STIM2: variants seen among roughly 807,000 people sequenced by gnomAD.
STIM2 encodes the protein stromal interaction molecule 2.
A neutral mutation model predicts 85.8 loss-of-function variants in STIM2; 31 were observed. That is an observed-to-expected ratio of 0.36 (90% confidence interval 0.27 to 0.49). The LOEUF (loss-of-function observed/expected upper bound fraction) is 0.49. Among genes scored for constraint, STIM2 ranks in the 20% least tolerant of loss-of-function variants. The pLI is 0.98. For synonymous variants in STIM2, 356 were observed against 331.1 expected, an observed-to-expected ratio of 1.08 and a Z score of -0.82; for missense variants, 841 against 927.6, an observed-to-expected ratio of 0.91 and a Z score of 1.21.
At chr4:26,910,195 T>G (rs976734932) in intron 1 of STIM2, among the ~76,000 whole-genome samples, 4 of 152,120 alleles carry the variant, frequency 2.6e-5, no homozygotes, top group Admixed American at 2.0e-4. Flanking sequence ...CATCATTGTT[T>G]TCTAGGAATT....
In STIM2 at chr4:26,984,226, A is replaced by G. The variant is rs191919572; in HGVS notation, c.398-11153A>G. Among the ~76,000 whole-genome samples the G allele has an allele frequency of 1.4e-4, 21 of 152,354 alleles. No individual in the cohort carries two copies. In the East Asian group the frequency reaches 2.3e-3, roughly 17 times the overall value. ...AATACTAATTGAGTTCCAACTAACT[A>G]TGTACCTGCCATTCCATGTTTGTTA... is the stretch of plus-strand genomic sequence containing the variant. On this transcript the variant is annotated intron_variant, in intron 3 of 11. Transcript: ENST00000467087.
At chr4:27,005,595 A>G (rs899834685) in intron 7 of STIM2, among the ~76,000 whole-genome samples, 1 of 152,118 alleles carries the variant, frequency 6.6e-6, no homozygotes, top group Non-Finnish European at 1.5e-5. Context: ...TTCTGTGTTC[A>G]TTCCCCTGTA....
chr4:27,003,662 C>T (rs1158245476), intron 7 of STIM2, among the ~76,000 whole-genome samples: 1 of 151,854 alleles, frequency 6.6e-6, no homozygotes, highest in Non-Finnish European at 1.5e-5. Flanking sequence ...GCATTAGTTT[C>T]CTGTTCCTGC....
intron 11 of STIM2, chr4:27,021,506 G>A (rs767247368): frequency 1.1e-5 from 5 of 456,798 alleles, no homozygotes; most frequent in South Asian, 6.2e-5. Context: ...ACACAAGGGA[G>A]TGTGCAGTTG....
chr4:26,871,888 C>G (rs1228265022), intron 1 of STIM2, among the ~76,000 whole-genome samples: 1 of 152,076 alleles, frequency 6.6e-6, no homozygotes, highest in East Asian at 1.9e-4. Flanking sequence ...AGCCTCTAGA[C>G]TAGGGCAGGA....
rs1723747339 is a variant in STIM2, at chr4:26,897,406, C to T, written c.152-22098C>T. Among the ~76,000 whole-genome samples the T allele has an allele frequency of 2.0e-5, 3 of 152,152 alleles. No homozygotes were observed. In the South Asian group the frequency reaches 6.2e-4, roughly 32 times the overall value. On this transcript the variant is annotated intron_variant, in intron 1 of 11. Coordinates refer to ENST00000467087, the MANE Select transcript of STIM2 (RefSeq NM_020860.4). Reference sequence around the variant, plus strand: ...TGTTAAACATCTTTTCATATTTTATCTGTCATCTCTGTATCCTCTTTTTTC... The same window carrying T: ...TGTTAAACATCTTTTCATATTTTATTTGTCATCTCTGTATCCTCTTTTTTC...
intron 11 of STIM2, chr4:27,019,364 A>T: frequency 8.2e-7 from 1 of 1,221,620 alleles, no homozygotes. Context: ...TTGCTTGGTT[A>T]ACACTTTATG....
intron 1 of STIM2, among the ~76,000 whole-genome samples, chr4:26,880,592 TA>T (rs1392247989): frequency 2.0e-5 from 3 of 148,144 alleles, no homozygotes; most frequent in Non-Finnish European, 4.5e-5. Context: ...CTTTTGTGCA[TA>T]AACCTTCATA....
chr4:26,923,546 C>T (rs1301972214), intron 2 of STIM2, among the ~76,000 whole-genome samples: 2 of 142,302 alleles, frequency 1.4e-5, no homozygotes, highest in African/African-American at 5.3e-5. Flanking sequence ...TGGAAAGGAA[C>T]AACCGGTACC....
Position 26,941,036 on chromosome 4 carries a change from A to G in STIM2, c.283-16576A>G, listed in dbSNP as rs139319545. On this transcript the variant is annotated intron_variant, in intron 2 of 11. Transcript: ENST00000467087. ...TGGGCTTCTTAGTTTGACATTCATGATCTTTTACAGTCTGGTCATATTCTG... is the reference window on the plus strand; with the variant it reads ...TGGGCTTCTTAGTTTGACATTCATGGTCTTTTACAGTCTGGTCATATTCTG... 1.2e-3 allele frequency among the ~76,000 whole-genome samples: 176 copies of G among 152,180 alleles called. 1 individual carries two copies. The highest frequency in any genetic ancestry group is 2.1e-3 in the Non-Finnish European group (145 of 67,996).
At chr4:26,906,966 CAA>C (rs33976513) in intron 1 of STIM2, among the ~76,000 whole-genome samples, 2,984 of 116,608 alleles carry the variant, frequency 0.026, 94 homozygotes, top group African/African-American at 0.085. Context: ...GACTCCGTCT[CAA>C]AAAAAAAAAA....
At chr4:26,934,246 T>TTAAATG (rs759785454) in intron 2 of STIM2, among the ~76,000 whole-genome samples, 1 of 152,106 alleles carries the variant, frequency 6.6e-6, no homozygotes, top group East Asian at 1.9e-4. Context: ...TGAGATAAAA[T>TTAAATG]TAAATGTAAA....
At chr4:26,970,850 C>G (rs1376312381) in intron 3 of STIM2, among the ~76,000 whole-genome samples, 6 of 152,138 alleles carry the variant, frequency 3.9e-5, no homozygotes, top group Non-Finnish European at 7.4e-5. Flanking sequence ...CTAACTTACA[C>G]TCCCACCAAC....
chr4:26,999,699 T>G (rs557957556), intron 5 of STIM2, among the ~76,000 whole-genome samples: 8 of 152,274 alleles, frequency 5.3e-5, no homozygotes, highest in African/African-American at 2.4e-5. Flanking sequence ...AATAATATAG[T>G]CTAACCATCT....
intron 11 of STIM2, chr4:27,019,713 C>G: frequency 2.9e-6 from 1 of 350,568 alleles, no homozygotes; most frequent in Non-Finnish European, 5.6e-6. Flanking sequence ...GAGTCTCGCT[C>G]TGTTGGAATG....
intron 1 of STIM2, among the ~76,000 whole-genome samples, chr4:26,910,240 G>A (rs1394944432): frequency 2.0e-5 from 3 of 152,180 alleles, no homozygotes; most frequent in South Asian, 4.1e-4. Context: ...TTAGAAAGCC[G>A]GCTGGTCACG....
At chr4:26,916,027 T>C (rs952020188) in intron 1 of STIM2, among the ~76,000 whole-genome samples, 1 of 152,210 alleles carries the variant, frequency 6.6e-6, no homozygotes, top group Non-Finnish European at 1.5e-5. Context: ...ACAATATTGG[T>C]AGCAGTTGCC....
chr4:27,007,451 T>G, intron 7 of STIM2, 82 bp from the exon 8 acceptor site: 1 of 1,011,960 alleles, frequency 9.9e-7, no homozygotes, highest in Non-Finnish European at 1.4e-6. Context: ...TTTTTTTTTT[T>G]TTTAGTTTGG....
intron 1 of STIM2, among the ~76,000 whole-genome samples, chr4:26,883,084 G>A (rs987221381): frequency 3.3e-5 from 5 of 149,360 alleles, no homozygotes; most frequent in Non-Finnish European, 7.4e-5. Context: ...CCTGACCTCC[G>A]GTGATCCGCC....
Sources: allele counts gnomAD v4.1 joint callset (sites outside exome capture counted in the v4.1 genomes callset), GRCh38; gene constraint gnomAD v4.1.1; transcripts MANE v1.5; gene names NCBI Gene and HGNC (gene_info 2026-07-23, HGNC 2026-07-21).